Variants in MLIP observed in about 807,000 individuals in gnomAD.
The protein encoded by MLIP is muscular LMNA interacting protein, also known as muscular LMNA-interacting protein.
In MLIP, 79 loss-of-function variants were observed where a neutral mutation model predicts 84.8. That is an observed-to-expected ratio of 0.93 (90% CI 0.78 to 1.12). The LOEUF is 1.12. Ranked by LOEUF, MLIP falls within the 50% of genes most tolerant of loss-of-function variation. MLIP has a pLI of 0.00. For missense variants in MLIP, 1,257 were observed against 1,160.6 expected (o/e 1.08, Z -1.21); for synonymous variants, 504 against 463.0 (o/e 1.09, Z -1.14).
intron 1 of MLIP, among the ~76,000 whole-genome samples, chr6:54,073,194 G>A (rs1766590513): frequency 6.6e-6 from 1 of 152,296 alleles, no homozygotes; most frequent in South Asian, 2.1e-4. Flanking sequence ...GGAACTTGGA[G>A]TTCCTTTTTG....
intron 11 of MLIP, among the ~76,000 whole-genome samples, chr6:54,225,946 C>G (rs759216953): frequency 5.9e-5 from 9 of 152,034 alleles, no homozygotes; most frequent in Non-Finnish European, 1.0e-4. Context: ...GAAAAATATC[C>G]TGATGAGGAA....
At chr6:54,028,297 C>A (rs373963851) in intron 1 of MLIP, among the ~76,000 whole-genome samples, 1 of 152,140 alleles carries the variant, frequency 6.6e-6, no homozygotes, top group African/African-American at 2.4e-5. Context: ...CCAGCTTGGT[C>A]TTCAAAATAG....
chr6:54,129,658 G>A (rs548935731), intron 3 of MLIP, among the ~76,000 whole-genome samples: 59 of 152,280 alleles, frequency 3.9e-4, no homozygotes, highest in Non-Finnish European at 6.2e-4. Flanking sequence ...GAGGTTAAAC[G>A]TTCATGTTGG....
At chr6:54,058,654 C>A (rs1337563694) in intron 1 of MLIP, among the ~76,000 whole-genome samples, 1 of 152,196 alleles carries the variant, frequency 6.6e-6, no homozygotes, top group East Asian at 1.9e-4. Context: ...GAGAAAGTAA[C>A]ATTTCATATA....
intron 11 of MLIP, among the ~76,000 whole-genome samples, chr6:54,202,825 G>A (rs1778789060): frequency 6.6e-6 from 1 of 152,172 alleles, no homozygotes; most frequent in Admixed American, 6.5e-5. Flanking sequence ...TGAAGCCCAG[G>A]CGGTTGAGGC....
intron 11 of MLIP, among the ~76,000 whole-genome samples, chr6:54,206,327 T>G (rs938329159): frequency 6.6e-6 from 1 of 152,280 alleles, no homozygotes; most frequent in Admixed American, 6.5e-5. Flanking sequence ...TGATACTTTC[T>G]TAAAGCCCTA....
At chr6:54,143,467 A>G (rs888226882) in intron 4 of MLIP, among the ~76,000 whole-genome samples, 4 of 152,024 alleles carry the variant, frequency 2.6e-5, no homozygotes, top group East Asian at 1.9e-4. Flanking sequence ...TGGCCCCCCA[A>G]ACTGTTAGAA....
intron 11 of MLIP, among the ~76,000 whole-genome samples, chr6:54,226,159 A>G (rs1780557380): frequency 6.6e-6 from 1 of 152,250 alleles, no homozygotes; most frequent in African/African-American, 2.4e-5. Flanking sequence ...CCCCAAATTC[A>G]TATTTCTTCT....
intron 1 of MLIP, among the ~76,000 whole-genome samples, chr6:54,098,904 A>C (rs1768427227): frequency 6.6e-6 from 1 of 152,174 alleles, no homozygotes; most frequent in Admixed American, 6.5e-5. Context: ...AGAGAGTAAG[A>C]AATCTGTCCA....
In MLIP at chr6:54,255,875, G is replaced by T. The variant is rs141355012; in HGVS notation, c.2923-1433G>T. Among the ~76,000 whole-genome samples, 336 of 152,256 alleles carry T rather than the reference G, an allele frequency of 2.2e-3. 1 individual carries two copies. Among genetic ancestry groups the T allele is most frequent in the African/African-American group, 7.7e-3 (319 of 41,552 alleles). ...TGTACAAACTGTGATGATTCATATA[G>T]ATATTGTACTACTTAACCTACTTAT... On this transcript the variant is annotated intron_variant, in intron 12 of 13. Coordinates refer to ENST00000502396, the MANE Select transcript of MLIP (RefSeq NM_001281747.2).
Position 54,098,953 on chromosome 6 carries a change from G to A in MLIP, c.64-22494G>A, listed in dbSNP as rs141737334. 4.8e-4 allele frequency among the ~76,000 whole-genome samples: 73 copies of A among 152,234 alleles called. No individual in the cohort carries two copies. The East Asian group carries it at 0.011, about 24-fold the overall frequency. ...ATTAAGTGGGAAAGCTGGGATTGAA[G>A]CCCAAGCAGTTTGGCTGCTGAGCTC... On this transcript the variant is annotated intron_variant, in intron 1 of 12. Transcript: ENST00000274897.
intron 1 of MLIP, among the ~76,000 whole-genome samples, chr6:54,073,869 T>G (rs774359956): frequency 2.6e-5 from 4 of 152,206 alleles, no homozygotes; most frequent in African/African-American, 4.8e-5. Context: ...ATATCCACAT[T>G]CAGTTCACTT....
intron 1 of MLIP, among the ~76,000 whole-genome samples, chr6:54,120,541 T>C (rs1280946): frequency 0.55 from 84,257 of 152,156 alleles, 24,875 homozygotes; most frequent in South Asian, 0.7. Context: ...TCCCGGCTGG[T>C]TTGTGACTTT....
chr6:54,021,412 G>A lies in MLIP; in HGVS notation c.63+2321G>A, dbSNP rs550652262. On this transcript the variant is annotated intron_variant, in intron 1 of 12. Coordinates refer to the MLIP transcript ENST00000274897. ...TGAACAGTGCTATAGTATGTGTCACGCACTTAAGCAATATGTATTATTGGG... is the reference window on the plus strand; with the variant it reads ...TGAACAGTGCTATAGTATGTGTCACACACTTAAGCAATATGTATTATTGGG... Among the ~76,000 whole-genome samples the A allele has an allele frequency of 5.3e-4, 80 of 152,168 alleles. 1 individual carries two copies. The highest frequency in any genetic ancestry group is 1.9e-3 in the African/African-American group (78 of 41,520).
chr6:54,206,315 A>T (rs1431690120), intron 11 of MLIP, among the ~76,000 whole-genome samples: 1 of 152,166 alleles, frequency 6.6e-6, no homozygotes, highest in South Asian at 2.1e-4. Flanking sequence ...TATTAGATAT[A>T]TTGATACTTT....
At chr6:54,031,836 G>A (rs1764159266) in intron 1 of MLIP, 1 of 152,148 alleles carries the variant, frequency 6.6e-6, no homozygotes, top group African/African-American at 2.4e-5. Context: ...AATTTTCCAT[G>A]AAATCTTTGT....
chr6:54,063,174 C>A (rs908299439), intron 1 of MLIP: 1 of 151,284 alleles, frequency 6.6e-6, no homozygotes, highest in African/African-American at 2.4e-5. Context: ...TGCTTTCCAG[C>A]CTGGACAACA....
At chr6:54,210,053 TAAAGTGTCAGGAAG>T (rs1187727866) in intron 11 of MLIP, among the ~76,000 whole-genome samples, 1 of 151,612 alleles carries the variant, frequency 6.6e-6, no homozygotes, top group Non-Finnish European at 1.5e-5. Flanking sequence ...GAATTAATGC[TAAAGTGTCAGGAAG>T]AAATTAATTT....
intron 1 of MLIP, among the ~76,000 whole-genome samples, chr6:54,045,078 G>T (rs1325200061): frequency 1.3e-5 from 2 of 151,890 alleles, no homozygotes; most frequent in Non-Finnish European, 2.9e-5. Context: ...GCCCGGCACG[G>T]TAGCTCATGC....
Sources: gnomAD v4.1 joint callset for allele counts (sites outside exome capture counted in the v4.1 genomes callset) on GRCh38, gnomAD v4.1.1 for gene constraint, MANE v1.5 for transcripts, NCBI Gene and HGNC (gene_info 2026-07-23, HGNC 2026-07-21) for gene names.